The following TRAPPC10 variants were observed in gnomAD, a reference collection of about 807,000 sequenced individuals.
TRAPPC10 encodes the protein trafficking protein particle complex subunit 10.
A neutral mutation model predicts 125.5 loss-of-function variants in TRAPPC10; 23 were observed. The observed-to-expected ratio is 0.18, with a 90% CI of 0.13 to 0.26. TRAPPC10 has a LOEUF of 0.26. Ranked by LOEUF, TRAPPC10 falls within the 10% of genes least tolerant of loss-of-function variation. The pLI is 1.00. For synonymous variants in TRAPPC10, 509 were observed against 518.0 expected (o/e 0.98, Z 0.24); for missense variants, 1,123 against 1,308.4 (o/e 0.86, Z 2.19).
intron 18 of TRAPPC10, among the ~76,000 whole-genome samples, chr21:44,090,298 G>A (rs1434598265): frequency 6.6e-6 from 1 of 152,130 alleles, no homozygotes; most frequent in Non-Finnish European, 1.5e-5. Context: ...GGCTGGATTT[G>A]TTAACTAGTT....
At chr21:44,045,125 G>T (rs995069546) in intron 3 of TRAPPC10, among the ~76,000 whole-genome samples, 1 of 152,196 alleles carries the variant, frequency 6.6e-6, no homozygotes, top group South Asian at 2.1e-4. Context: ...AGTAGAAACG[G>T]GGTTTCACCA....
intron 1 of TRAPPC10, among the ~76,000 whole-genome samples, chr21:44,024,825 C>G (rs1313764074): frequency 1.3e-5 from 2 of 152,202 alleles, no homozygotes; most frequent in East Asian, 1.9e-4. Flanking sequence ...TCTGTCCTCT[C>G]CATGCTAACT....
chr21:44,023,023 G>GTTTT (rs2032695819), intron 1 of TRAPPC10, among the ~76,000 whole-genome samples: 1 of 109,156 alleles, frequency 9.2e-6, no homozygotes, highest in African/African-American at 4.5e-5. Context: ...ATTTCCCTAT[G>GTTTT]TCTTTTTTTT....
chr21:44,080,543 C>CTTT (rs59033671), intron 13 of TRAPPC10, among the ~76,000 whole-genome samples: 3 of 140,654 alleles, frequency 2.1e-5, no homozygotes, highest in Admixed American at 6.9e-5. Context: ...TCTTCTTCTT[C>CTTT]TTTTTTTTTT....
At chr21:44,038,612 A>G (rs1428516705) in intron 3 of TRAPPC10, among the ~76,000 whole-genome samples, 1 of 152,042 alleles carries the variant, frequency 6.6e-6, no homozygotes, top group Non-Finnish European at 1.5e-5. Context: ...CGTTCTTGAC[A>G]CACTTCTTCT....
chr21:44,044,561 A>G (rs977088616), intron 3 of TRAPPC10, among the ~76,000 whole-genome samples: 1 of 151,624 alleles, frequency 6.6e-6, no homozygotes, highest in East Asian at 1.9e-4. Context: ...TTGTTGTCAT[A>G]CATTTTCTAT....
chr21:44,084,000 A>G, intron 14 of TRAPPC10, 122 bp from the exon 15 acceptor site: 1 of 1,107,520 alleles, frequency 9.0e-7, no homozygotes, highest in African/African-American at 1.6e-5. Flanking sequence ...AGCAGGGGGT[A>G]CAAGAGGGAA....
intron 1 of TRAPPC10, among the ~76,000 whole-genome samples, 161 bp downstream of exon 1, chr21:44,012,721 C>G (rs1462087302): frequency 6.6e-6 from 1 of 152,010 alleles, no homozygotes; most frequent in African/African-American, 2.4e-5. Context: ...GGCCCTCTGA[C>G]TTTTCGGGGA....
At chr21:44,030,333 C>G (rs1189674237) in intron 1 of TRAPPC10, among the ~76,000 whole-genome samples, 2 of 152,136 alleles carry the variant, frequency 1.3e-5, no homozygotes, top group African/African-American at 4.8e-5. Flanking sequence ...TTACTTTCCA[C>G]TTAGCAAAGA....
chr21:44,032,047 T>C, intron 1 of TRAPPC10, 44 bp from the exon 2 acceptor site: 2 of 1,522,104 alleles, frequency 1.3e-6, no homozygotes, highest in Middle Eastern at 1.7e-4. Flanking sequence ...TTGCATGTAT[T>C]CACCTAAAAA....
chr21:44,055,766 C>T lies in TRAPPC10; in HGVS notation c.551C>T (p.Thr184Ile), dbSNP rs778348982. 6.2e-7 allele frequency: 1 copy of T among 1,613,786 alleles called. No individual in the cohort carries two copies. The highest frequency in any genetic ancestry group is 1.7e-5 in the Admixed American group (1 of 60,016). The change falls in exon 5 of 23, where the codon ACC becomes ATC. Residue 184 changes from threonine to isoleucine, a missense_variant. Thr to Ile is a moderately conservative substitution (Grantham distance 89). Coordinates refer to ENST00000291574, the MANE Select transcript of TRAPPC10 (RefSeq NM_003274.5). ...CAGGAATCCTGGAATGCCTTCCTGA[C>T]CAAACTCAGGACATTGCTTCTTATG... ...RTQESWNAFL[T>I]KLRTLLLMSF...
At chr21:44,022,276 A>ATTTTT (rs58767563) in intron 1 of TRAPPC10, among the ~76,000 whole-genome samples, 4 of 83,772 alleles carry the variant, frequency 4.8e-5, no homozygotes, top group Non-Finnish European at 7.2e-5. Context: ...GCCTGGCTAA[A>ATTTTT]TTTTTTTTTT....
intron 3 of TRAPPC10, among the ~76,000 whole-genome samples, chr21:44,040,166 T>C (rs1441375526): frequency 2.6e-5 from 4 of 152,222 alleles, no homozygotes; most frequent in Admixed American, 2.6e-4. Context: ...TAGTTAGTCT[T>C]GCATGTTTAA....
At chr21:44,026,771 T>C (rs550699401) in intron 1 of TRAPPC10, among the ~76,000 whole-genome samples, 4 of 152,336 alleles carry the variant, frequency 2.6e-5, no homozygotes, top group Non-Finnish European at 5.9e-5. Flanking sequence ...ACTCCGCTGC[T>C]TTTAGTCGCA....
intron 1 of TRAPPC10, among the ~76,000 whole-genome samples, chr21:44,021,255 C>T (rs1601555374): frequency 2.0e-5 from 3 of 152,076 alleles, no homozygotes; most frequent in East Asian, 1.9e-4. Flanking sequence ...CAAACATTTA[C>T]GGAGGACCTA....
At chr21:44,021,313 A>G (rs1393293241) in intron 1 of TRAPPC10, among the ~76,000 whole-genome samples, 2 of 152,216 alleles carry the variant, frequency 1.3e-5, no homozygotes, top group Non-Finnish European at 2.9e-5. Flanking sequence ...TCAGAGAGCA[A>G]AGATCCCAAC....
chr21:44,088,699 C>T (rs534859566), intron 17 of TRAPPC10: 9 of 158,516 alleles, frequency 5.7e-5, no homozygotes, highest in South Asian at 3.3e-4. Flanking sequence ...AGCAGGAGCG[C>T]GCAGCACTGG....
At chr21:44,037,218 A>T (rs565341947) in intron 2 of TRAPPC10, among the ~76,000 whole-genome samples, 17 of 152,270 alleles carry the variant, frequency 1.1e-4, no homozygotes, top group African/African-American at 3.8e-4. Context: ...AGAGCCTTGG[A>T]TGAGATGCAG....
chr21:44,082,915 T>C lies in TRAPPC10; in HGVS notation c.1851T>C (p.Pro617=). The C allele has an allele frequency of 6.2e-7, 1 of 1,614,176 alleles. No individual in the cohort carries two copies. Among genetic ancestry groups the C allele is most frequent in the Non-Finnish European group, 8.5e-7 (1 of 1,180,030 alleles). The change falls in exon 14 of 23, where the codon CCT becomes CCC. Residue 617 remains proline (P), a synonymous_variant. Coordinates refer to ENST00000291574, the MANE Select transcript of TRAPPC10 (RefSeq NM_003274.5). The surrounding 1 kb of genome is among the most constrained non-coding windows in gnomAD (Gnocchi z 4.4). ...CVEITMYSQM[P]VPVHVEQIVV... is the part of the protein sequence containing the mutation. ...AGATAACCATGTACAGCCAGATGCC[T>C]GTGCCTGTTCACGTGGAGCAGATTG...
Sources: allele counts gnomAD v4.1 joint callset (sites outside exome capture counted in the v4.1 genomes callset), GRCh38; gene constraint gnomAD v4.1.1; non-coding constraint Gnocchi (gnomAD v3.1); transcripts MANE v1.5; gene names NCBI Gene and HGNC (gene_info 2026-07-23, HGNC 2026-07-21).